The following DOK6 variants were observed in gnomAD, a reference collection of about 807,000 sequenced individuals.
DOK6 encodes downstream of tyrosine kinase 6.
In DOK6, 22 loss-of-function variants were observed where a neutral mutation model predicts 44.0. The ratio of observed to expected loss-of-function variants is 0.50; its 90% CI spans 0.36 to 0.71. The LOEUF is 0.71. Ranked by LOEUF, DOK6 falls within the 30% of genes least tolerant of loss-of-function variation. DOK6 has a pLI of 0.00. For missense variants in DOK6, 340 were observed against 416.4 expected (o/e 0.82, Z 1.60); for synonymous variants, 166 against 145.5 (o/e 1.14, Z -1.01).
intron 1 of DOK6, among the ~76,000 whole-genome samples, chr18:69,485,219 G>A (rs1388521182): frequency 6.6e-6 from 1 of 152,154 alleles, no homozygotes; most frequent in African/African-American, 2.4e-5. Flanking sequence ...ATTCCCAGTG[G>A]TTCCATGGTG....
chr18:69,534,731 C>T (rs965599152), intron 1 of DOK6, among the ~76,000 whole-genome samples: 5 of 151,940 alleles, frequency 3.3e-5, no homozygotes, highest in Non-Finnish European at 7.4e-5. Context: ...CTTTATCTAT[C>T]GTTGCATCAA....
At chr18:69,785,731 C>T (rs1032876142) in intron 7 of DOK6, among the ~76,000 whole-genome samples, 1 of 152,178 alleles carries the variant, frequency 6.6e-6, no homozygotes, top group African/African-American at 2.4e-5. Context: ...TTTCTTTCCT[C>T]ATTCCTGACA....
intron 5 of DOK6, among the ~76,000 whole-genome samples, chr18:69,728,300 C>CA (rs1162289234): frequency 2.0e-5 from 3 of 149,080 alleles, no homozygotes; most frequent in African/African-American, 7.5e-5. Context: ...TCGGGATATA[C>CA]AAGTCTCACC....
chr18:69,505,822 C>CA lies in DOK6; in HGVS notation c.67-58664dup, dbSNP rs371367460. Among the ~76,000 whole-genome samples, 3 of 150,872 alleles carry CA rather than the reference C, an allele frequency of 2.0e-5. No individual in the cohort carries two copies. In the East Asian group the frequency reaches 6.0e-4, roughly 30 times the overall value. ...CACACTCCCATTCTTTACTCAGCAG[C>CA]ATGCAAGCAAACAAAACAAAACAAA... On this transcript the variant is annotated intron_variant, in intron 1 of 7. Transcript: ENST00000382713.
chr18:69,800,688 T>C (rs900342585), intron 7 of DOK6, among the ~76,000 whole-genome samples: 1 of 152,174 alleles, frequency 6.6e-6, no homozygotes, highest in Non-Finnish European at 1.5e-5. Flanking sequence ...ATTTTTACAG[T>C]GGTTCATATC....
chr18:69,515,414 T>C (rs550599310), intron 1 of DOK6, among the ~76,000 whole-genome samples: 2 of 152,360 alleles, frequency 1.3e-5, no homozygotes, highest in East Asian at 1.9e-4. Context: ...GATAACCTGC[T>C]TTTTACTGTT....
At chr18:69,779,689 CGT>C (rs58775349) in intron 7 of DOK6, among the ~76,000 whole-genome samples, 67,027 of 146,470 alleles carry the variant, frequency 0.46, 16,934 homozygotes, top group East Asian at 0.74. Context: ...CTCTCTGCCC[CGT>C]GTGTGTGTGT....
chr18:69,660,571 T>A (rs1488909092), intron 3 of DOK6: 2 of 152,080 alleles, frequency 1.3e-5, no homozygotes, highest in Non-Finnish European at 2.9e-5. Context: ...GATACCTCCA[T>A]AACCAAAACT....
At chr18:69,731,996 C>G (rs1342089035) in intron 5 of DOK6, among the ~76,000 whole-genome samples, 1 of 152,180 alleles carries the variant, frequency 6.6e-6, no homozygotes, top group Non-Finnish European at 1.5e-5. Flanking sequence ...CGTATCACTT[C>G]TCTGTATTTA....
At chr18:69,548,853 G>A (rs1227753344) in intron 1 of DOK6, among the ~76,000 whole-genome samples, 1 of 151,444 alleles carries the variant, frequency 6.6e-6, no homozygotes, top group African/African-American at 2.4e-5. Flanking sequence ...CAGCACTTTG[G>A]GAGGCCGAGG....
intron 1 of DOK6, among the ~76,000 whole-genome samples, chr18:69,436,312 T>C (rs1158312211): frequency 6.6e-6 from 1 of 152,024 alleles, no homozygotes; most frequent in African/African-American, 2.4e-5. Context: ...ATGCTGTCTC[T>C]CCCCTTGCCC....
chr18:69,746,782 A>G (rs1484275580), intron 6 of DOK6, among the ~76,000 whole-genome samples: 1 of 152,214 alleles, frequency 6.6e-6, no homozygotes, highest in Non-Finnish European at 1.5e-5. Flanking sequence ...TTGAAAATTA[A>G]GCCAAGTCTG....
intron 7 of DOK6, among the ~76,000 whole-genome samples, chr18:69,774,380 A>G (rs1423264770): frequency 6.6e-6 from 1 of 151,574 alleles, no homozygotes; most frequent in Non-Finnish European, 1.5e-5. Flanking sequence ...GGGGTGAGGG[A>G]TAAAGGACTA....
At chr18:69,630,839 T>C (rs1984673986) in intron 3 of DOK6, among the ~76,000 whole-genome samples, 1 of 152,210 alleles carries the variant, frequency 6.6e-6, no homozygotes, top group African/African-American at 2.4e-5. Flanking sequence ...TTGCTGAACA[T>C]TTTTTGTCTT....
At chr18:69,761,552 A>G (rs1979554304) in intron 7 of DOK6, among the ~76,000 whole-genome samples, 1 of 152,008 alleles carries the variant, frequency 6.6e-6, no homozygotes, top group African/African-American at 2.4e-5. Context: ...GTTTTCTGTA[A>G]CTGCTTCCTG....
At chr18:69,412,885 C>G (rs756918336) in intron 1 of DOK6, among the ~76,000 whole-genome samples, 1 of 151,980 alleles carries the variant, frequency 6.6e-6, no homozygotes, top group Non-Finnish European at 1.5e-5. Flanking sequence ...AACCTAGGAC[C>G]GACTTTGAGT....
intron 2 of DOK6, among the ~76,000 whole-genome samples, chr18:69,567,804 G>A (rs28613281): frequency 1.7e-4 from 26 of 152,322 alleles, no homozygotes; most frequent in African/African-American, 5.5e-4. Context: ...CTCAAGAAAC[G>A]ACAGGTAGAT....
At chr18:69,592,604 A>G (rs962850895) in intron 2 of DOK6, among the ~76,000 whole-genome samples, 2 of 152,100 alleles carry the variant, frequency 1.3e-5, no homozygotes, top group African/African-American at 4.8e-5. Flanking sequence ...TCATCATGGA[A>G]CGTATTGATT....
At chr18:69,774,131 G>GATATATATATATATATATAT (rs1212221255) in intron 7 of DOK6, among the ~76,000 whole-genome samples, 3 of 13,856 alleles carry the variant, frequency 2.2e-4, no homozygotes, top group Admixed American at 1.7e-3. Context: ...ATATATATAT[G>GATATATATATATATATATAT]AGATATATAT....
Sources: gnomAD v4.1 joint callset for allele counts (sites outside exome capture counted in the v4.1 genomes callset) on GRCh38, gnomAD v4.1.1 for gene constraint, MANE v1.5 for transcripts, NCBI Gene and HGNC (gene_info 2026-07-23, HGNC 2026-07-21) for gene names.